Variants in DPP10 observed in about 807,000 individuals in gnomAD.
The protein encoded by DPP10 is dipeptidyl peptidase like 10.
DPP10 carries 33 observed loss-of-function variants against 120.9 expected under a neutral mutation model. The observed-to-expected ratio is 0.27, with a 90% CI of 0.21 to 0.37. The LOEUF (loss-of-function observed/expected upper bound fraction) is 0.37, where lower values mean the gene tolerates loss of function less well. Among genes scored for constraint, DPP10 ranks in the 10% least tolerant of loss-of-function variants. The pLI is 1.00. For synonymous variants in DPP10, 337 were observed against 326.1 expected (o/e 1.03, Z -0.36); for missense variants, 816 against 942.8 (o/e 0.87, Z 1.76).
At chr2:115,315,074 G>A (rs748814412) in intron 2 of DPP10, among the ~76,000 whole-genome samples, 1 of 151,988 alleles carries the variant, frequency 6.6e-6, no homozygotes, top group Non-Finnish European at 1.5e-5. Context: ...AGTAGATAGA[G>A]TGACTAAATT....
At chr2:114,961,004 A>G (rs1698573867) in intron 1 of DPP10, among the ~76,000 whole-genome samples, 1 of 144,466 alleles carries the variant, frequency 6.9e-6, no homozygotes, top group Non-Finnish European at 1.5e-5. Context: ...GACATCTGCT[A>G]AGTAATAATT....
At chr2:115,160,159 G>T (rs1267405447) in intron 1 of DPP10, among the ~76,000 whole-genome samples, 2 of 152,088 alleles carry the variant, frequency 1.3e-5, no homozygotes, top group Admixed American at 1.3e-4. Context: ...ATATATATTT[G>T]CTTTATGCTT....
intron 5 of DPP10, among the ~76,000 whole-genome samples, chr2:115,625,264 A>C (rs1026790207): frequency 1.3e-5 from 2 of 152,136 alleles, no homozygotes; most frequent in Non-Finnish European, 2.9e-5. Flanking sequence ...TATCTTCACA[A>C]ATCTTTGAAA....
chr2:115,419,751 C>G (rs989611590), intron 3 of DPP10, among the ~76,000 whole-genome samples: 1 of 151,860 alleles, frequency 6.6e-6, no homozygotes, highest in African/African-American at 2.4e-5. Flanking sequence ...TCAATTTTAC[C>G]CCAAAACTGT....
intron 1 of DPP10, among the ~76,000 whole-genome samples, chr2:114,645,073 A>T (rs1437862456): frequency 6.6e-6 from 1 of 150,378 alleles, no homozygotes; most frequent in African/African-American, 2.5e-5. Context: ...GACATTTAGC[A>T]AGTATTGTAA....
intron 1 of DPP10, among the ~76,000 whole-genome samples, chr2:114,745,240 TG>T (rs1344217243): frequency 6.6e-6 from 1 of 152,194 alleles, no homozygotes; most frequent in Non-Finnish European, 1.5e-5. Context: ...ACTAGAAGCT[TG>T]GGAACTAGCA....
chr2:115,344,715 G>A (rs1009317928), intron 3 of DPP10, among the ~76,000 whole-genome samples: 2 of 152,112 alleles, frequency 1.3e-5, no homozygotes, highest in African/African-American at 4.8e-5. Flanking sequence ...TGGTGAAAAG[G>A]AAATCAGTTT....
chr2:114,967,388 A>T (rs895444096), intron 1 of DPP10, among the ~76,000 whole-genome samples: 1 of 152,046 alleles, frequency 6.6e-6, no homozygotes, highest in Non-Finnish European at 1.5e-5. Flanking sequence ...TTTTTGGGTG[A>T]ATGTGGTGCA....
intron 3 of DPP10, among the ~76,000 whole-genome samples, chr2:115,381,813 T>C (rs889430865): frequency 2.2e-4 from 34 of 151,874 alleles, no homozygotes; most frequent in African/African-American, 7.5e-4. Context: ...TACCCGGCCC[T>C]GTGAAGTGTC....
chr2:114,746,960 CT>C (rs1410215571), intron 1 of DPP10, among the ~76,000 whole-genome samples: 1 of 152,136 alleles, frequency 6.6e-6, no homozygotes. Flanking sequence ...AGAGACTTCC[CT>C]AGGCTAGTCA....
intron 1 of DPP10, among the ~76,000 whole-genome samples, chr2:115,259,378 G>A (rs1164682188): frequency 1.3e-5 from 2 of 151,996 alleles, no homozygotes; most frequent in Admixed American, 6.5e-5. Context: ...CAGCTACTTG[G>A]GAGGCTGAGG....
intron 11 of DPP10, among the ~76,000 whole-genome samples, chr2:115,759,754 T>G (rs192124749): frequency 1.4e-3 from 217 of 152,298 alleles, no homozygotes; most frequent in African/African-American, 4.9e-3. Context: ...CTCATGCCTG[T>G]AATCCCAACA....
At chr2:115,495,937 C>G (rs1265948925) in intron 3 of DPP10, among the ~76,000 whole-genome samples, 1 of 152,104 alleles carries the variant, frequency 6.6e-6, no homozygotes, top group African/African-American at 2.4e-5. Context: ...GTACTCCTAC[C>G]TTAATCTTTC....
intron 2 of DPP10, among the ~76,000 whole-genome samples, chr2:115,342,743 T>A (rs2063511561): frequency 6.6e-6 from 1 of 152,196 alleles, no homozygotes; most frequent in African/African-American, 2.4e-5. Flanking sequence ...ACAATTACAA[T>A]GTCTTATGCT....
chr2:115,214,439 T>C (rs1057213007), intron 1 of DPP10, among the ~76,000 whole-genome samples: 1 of 152,182 alleles, frequency 6.6e-6, no homozygotes, highest in Non-Finnish European at 1.5e-5. Flanking sequence ...GGATTTTAAA[T>C]GGCCTTTTGA....
chr2:114,781,303 C>T (rs1332419868), intron 1 of DPP10, among the ~76,000 whole-genome samples: 1 of 152,136 alleles, frequency 6.6e-6, no homozygotes, highest in Non-Finnish European at 1.5e-5. Flanking sequence ...TGGAAAAGCT[C>T]ATAGAGGCTA....
chr2:115,523,261 G>A (rs781750209), intron 4 of DPP10, among the ~76,000 whole-genome samples: 15 of 152,088 alleles, frequency 9.9e-5, no homozygotes, highest in Non-Finnish European at 1.8e-4. Context: ...ATACTAAGAC[G>A]TTGTTACCGG....
In DPP10 at chr2:115,087,533, C is replaced by CTTTTTTTTTTTTTTTTTTTTTT. The variant is rs1310507943; in HGVS notation, c.61-221702_61-221701insTTTTTTTTTTTTTTTTTTTTTT. ...TCTTTTTCTTTCTTTCTTTTCTTTT[C>CTTTTTTTTTTTTTTTTTTTTTT]TTTTCTTTTTTTTTTTTTTTTTTGA... On this transcript the variant is annotated intron_variant, in intron 1 of 25. Transcript: ENST00000410059. 4.3e-5 allele frequency among the ~76,000 whole-genome samples: 4 copies of CTTTTTTTTTTTTTTTTTTTTTT among 92,590 alleles called. 1 individual carries two copies. The highest frequency in any genetic ancestry group is 4.4e-5 in the Non-Finnish European group (2 of 45,512). The allele number at this position is 92,590 out of a possible 152,430, so 60.7% of individuals were successfully genotyped here.
intron 5 of DPP10, among the ~76,000 whole-genome samples, chr2:115,674,703 A>G (rs1021950813): frequency 6.6e-6 from 1 of 152,202 alleles, no homozygotes; most frequent in African/African-American, 2.4e-5. Flanking sequence ...ATATGCATGA[A>G]GTGATTGAAA....
Sources: allele counts gnomAD v4.1 joint callset (sites outside exome capture counted in the v4.1 genomes callset), GRCh38; gene constraint gnomAD v4.1.1; transcripts MANE v1.5; gene names NCBI Gene and HGNC (gene_info 2026-07-23, HGNC 2026-07-21).